The following LRFN2 variants were observed in gnomAD, a reference collection of about 807,000 sequenced individuals.
The protein encoded by LRFN2 is leucine rich repeat and fibronectin type III domain containing 2.
In LRFN2, 18 loss-of-function variants were observed where a neutral mutation model predicts 37.3. The observed-to-expected ratio is 0.48, with a 90% CI of 0.33 to 0.72. The LOEUF (loss-of-function observed/expected upper bound fraction) is 0.72, where lower values mean the gene tolerates loss of function less well. Among genes scored for constraint, LRFN2 ranks in the 30% least tolerant of loss-of-function variants. The pLI is 0.02. For synonymous variants in LRFN2, 556 were observed against 466.6 expected (o/e 1.19, Z -2.47); for missense variants, 1,006 against 1,060.7 (o/e 0.95, Z 0.72).
rs536078688 is a variant in LRFN2 at position 40,436,495 on chromosome 6, T to G, written c.-18-3364A>C. On this transcript the variant is annotated intron_variant, in intron 1 of 2. Transcript: ENST00000338305. ...GACCTCTGTTCTATAGGATATGTGT[T>G]TTTTTTTTTCATCTTCATCAAGGGC... Among the ~76,000 whole-genome samples, 819 of 83,358 alleles carry G rather than the reference T, an allele frequency of 9.8e-3. 5 individuals are homozygous for G. Among genetic ancestry groups the G allele is most frequent in the African/African-American group, 0.045 (766 of 16,930 alleles). 54.7% of individuals were successfully genotyped at this position (83,358 alleles called of 152,430 possible).
chr6:40,402,864 G>A (rs972696106), intron 2 of LRFN2, among the ~76,000 whole-genome samples: 11 of 152,150 alleles, frequency 7.2e-5, no homozygotes, highest in African/African-American at 2.4e-4. Context: ...TCTCTACTTC[G>A]GGACGCATGC....
chr6:40,398,922 G>A (rs1219790194), intron 2 of LRFN2, among the ~76,000 whole-genome samples: 1 of 151,792 alleles, frequency 6.6e-6, no homozygotes, highest in African/African-American at 2.4e-5. Context: ...TTATTCTACT[G>A]TGGGCTCTCG....
intron 2 of LRFN2, among the ~76,000 whole-genome samples, chr6:40,408,375 T>C (rs1338891605): frequency 2.6e-5 from 4 of 152,112 alleles, no homozygotes; most frequent in African/African-American, 9.7e-5. Flanking sequence ...CGGCAGGGGC[T>C]TCTTGGTTCT....
At chr6:40,465,795 G>A (rs1764447380) in intron 1 of LRFN2, among the ~76,000 whole-genome samples, 1 of 152,174 alleles carries the variant, frequency 6.6e-6, no homozygotes, top group African/African-American at 2.4e-5. Context: ...GGATGGAACA[G>A]AGGTTGAGCA....
intron 2 of LRFN2, among the ~76,000 whole-genome samples, chr6:40,417,689 G>T (rs1484705987): frequency 2.6e-5 from 4 of 152,224 alleles, no homozygotes; most frequent in East Asian, 1.9e-4. Flanking sequence ...CCTCAGTGAG[G>T]TTCCCAGGCT....
chr6:40,439,414 C>G (rs1763777506), intron 1 of LRFN2, among the ~76,000 whole-genome samples: 1 of 152,180 alleles, frequency 6.6e-6, no homozygotes, highest in Admixed American at 6.5e-5. Flanking sequence ...CCCCATAAAT[C>G]ACACCACTCA....
intron 1 of LRFN2, among the ~76,000 whole-genome samples, chr6:40,494,741 A>C (rs1263481481): frequency 5.9e-5 from 9 of 152,176 alleles, no homozygotes; most frequent in African/African-American, 2.2e-4. Context: ...GCTTTATTTC[A>C]AGCAGCCCCA....
At chr6:40,519,123 A>G (rs1394997701) in intron 1 of LRFN2, among the ~76,000 whole-genome samples, 1 of 152,204 alleles carries the variant, frequency 6.6e-6, no homozygotes. Flanking sequence ...CACTGAACTC[A>G]GTGTTCACCA....
chr6:40,576,024 A>C (rs1460051603), intron 1 of LRFN2, among the ~76,000 whole-genome samples: 1 of 152,192 alleles, frequency 6.6e-6, no homozygotes, highest in East Asian at 1.9e-4. Flanking sequence ...TTATTATGTT[A>C]TAATATAATA....
At chr6:40,495,618 C>T (rs1453605109) in intron 1 of LRFN2, among the ~76,000 whole-genome samples, 1 of 152,184 alleles carries the variant, frequency 6.6e-6, no homozygotes, top group Non-Finnish European at 1.5e-5. Context: ...AAGCCTCCAT[C>T]ATCTAGAACC....
chr6:40,454,330 C>T (rs1238926908), intron 1 of LRFN2, among the ~76,000 whole-genome samples: 1 of 152,016 alleles, frequency 6.6e-6, no homozygotes, highest in Non-Finnish European at 1.5e-5. Flanking sequence ...AATTTTAATG[C>T]TGTCCTGGGT....
chr6:40,571,214 T>C (rs969777438), intron 1 of LRFN2, among the ~76,000 whole-genome samples: 10 of 152,236 alleles, frequency 6.6e-5, no homozygotes, highest in African/African-American at 2.2e-4. Context: ...TTAGCTAGCC[T>C]CTGTCACCTA....
intron 1 of LRFN2, among the ~76,000 whole-genome samples, chr6:40,433,620 T>G (rs572386561): frequency 1.3e-5 from 2 of 152,362 alleles, no homozygotes; most frequent in African/African-American, 4.8e-5. Flanking sequence ...TTTTGAGGCA[T>G]AATTTTACAT....
At chr6:40,416,270 A>T (rs1448485662) in intron 2 of LRFN2, among the ~76,000 whole-genome samples, 1 of 152,216 alleles carries the variant, frequency 6.6e-6, no homozygotes, top group Non-Finnish European at 1.5e-5. Context: ...CAGCCTCCCA[A>T]AGTGCTGGGA....
intron 1 of LRFN2, among the ~76,000 whole-genome samples, chr6:40,456,071 C>A (rs540980299): frequency 1.3e-5 from 2 of 152,212 alleles, no homozygotes; most frequent in Admixed American, 6.5e-5. Flanking sequence ...TGACAGCCTG[C>A]AAGAGAGAAG....
chr6:40,524,929 G>A (rs756626779), intron 1 of LRFN2, among the ~76,000 whole-genome samples: 12 of 152,322 alleles, frequency 7.9e-5, no homozygotes, highest in East Asian at 3.9e-4. Flanking sequence ...CTAGGGCATC[G>A]TGGCAAAGGT....
At chr6:40,476,795 C>T (rs1396263095) in intron 1 of LRFN2, among the ~76,000 whole-genome samples, 1 of 152,236 alleles carries the variant, frequency 6.6e-6, no homozygotes. Flanking sequence ...GCAGGCGTGA[C>T]CCACAGCCCA....
chr6:40,454,282 G>C (rs1425123833), intron 1 of LRFN2, among the ~76,000 whole-genome samples: 1 of 152,142 alleles, frequency 6.6e-6, no homozygotes, highest in African/African-American at 2.4e-5. Flanking sequence ...GTGCAAATTA[G>C]ACAAATTCTT....
At chr6:40,407,160 T>G (rs887280484) in intron 2 of LRFN2, among the ~76,000 whole-genome samples, 1 of 152,230 alleles carries the variant, frequency 6.6e-6, no homozygotes, top group Non-Finnish European at 1.5e-5. Context: ...CTTGAGCCCA[T>G]GTAAGGCCTG....
Sources: allele counts gnomAD v4.1 joint callset (sites outside exome capture counted in the v4.1 genomes callset), GRCh38; gene constraint gnomAD v4.1.1; transcripts MANE v1.5; gene names NCBI Gene and HGNC (gene_info 2026-07-23, HGNC 2026-07-21).